Variants in RIMS2 observed in about 807,000 individuals in gnomAD.
RIMS2 encodes the protein regulating synaptic membrane exocytosis protein 2.
Under a neutral mutation model 174.4 loss-of-function variants are expected in RIMS2, and 59 were observed. The observed-to-expected ratio is 0.34, with a 90% CI of 0.27 to 0.42. The LOEUF (loss-of-function observed/expected upper bound fraction) is 0.42, where lower values mean the gene tolerates loss of function less well. RIMS2 is among the 10% of genes least tolerant of loss of function. The pLI, the probability that RIMS2 is intolerant of heterozygous loss-of-function variation, is 1.00. For missense variants in RIMS2, 1,620 were observed against 1,666.3 expected (o/e 0.97, Z 0.48); for synonymous variants, 606 against 572.5 (o/e 1.06, Z -0.84).
rs182577463 is a variant in RIMS2 at position 104,086,122 on chromosome 8, C to G, written c.3334+71507C>G. ...GGAAAGGAGATTAAAAAGTAACACTCAGGGACATAGAGTAGAAACCCTGAG... is the reference window on the plus strand; with the variant it reads ...GGAAAGGAGATTAAAAAGTAACACTGAGGGACATAGAGTAGAAACCCTGAG... On this transcript the variant is annotated intron_variant, in intron 19 of 23. Coordinates refer to ENST00000504942, the Ensembl canonical transcript of RIMS2. 2.4e-3 allele frequency among the ~76,000 whole-genome samples: 363 copies of G among 151,882 alleles called. 3 individuals carry two copies. Among genetic ancestry groups the G allele is most frequent in the Non-Finnish European group, 3.8e-3 (258 of 67,924 alleles).
chr8:103,821,741 A>G (rs756789088), intron 3 of RIMS2, among the ~76,000 whole-genome samples: 2 of 151,658 alleles, frequency 1.3e-5, no homozygotes, highest in Non-Finnish European at 3.0e-5. Context: ...TGCATCCTGC[A>G]TAGGTATTAA....
chr8:104,195,667 G>T (rs757147102), intron 19 of RIMS2, among the ~76,000 whole-genome samples: 1 of 151,618 alleles, frequency 6.6e-6, no homozygotes, highest in Admixed American at 6.6e-5. Context: ...GGCACACGTC[G>T]CCATGCCTGG....
At chr8:103,775,864 A>G (rs1401691563) in intron 3 of RIMS2, among the ~76,000 whole-genome samples, 1 of 152,130 alleles carries the variant, frequency 6.6e-6, no homozygotes, top group East Asian at 1.9e-4. Context: ...AAATATTTCA[A>G]TTTTTAGGTG....
intron 19 of RIMS2, among the ~76,000 whole-genome samples, chr8:104,127,508 C>T (rs183924619): frequency 1.2e-3 from 182 of 152,188 alleles, no homozygotes; most frequent in African/African-American, 4.2e-3. Flanking sequence ...GTTAAGAGTG[C>T]AGACTCTGGA....
intron 19 of RIMS2, among the ~76,000 whole-genome samples, chr8:104,031,199 A>G (rs1275381056): frequency 1.3e-5 from 2 of 152,124 alleles, no homozygotes; most frequent in Non-Finnish European, 2.9e-5. Context: ...ATGGTAATAA[A>G]ATAGCCGTTT....
chr8:103,898,622 T>C (rs2099307477), intron 4 of RIMS2, among the ~76,000 whole-genome samples: 1 of 151,652 alleles, frequency 6.6e-6, no homozygotes, highest in African/African-American at 2.4e-5. Context: ...GCCATCACCT[T>C]TGTGCCCTTA....
intron 2 of RIMS2, among the ~76,000 whole-genome samples, chr8:103,700,792 G>A (rs2097158321): frequency 6.6e-6 from 1 of 151,460 alleles, no homozygotes; most frequent in Non-Finnish European, 1.5e-5. Context: ...TAACTGTTTT[G>A]TTATTTTATC....
chr8:103,847,999 T>C (rs1186471309), intron 3 of RIMS2, among the ~76,000 whole-genome samples: 1 of 116,280 alleles, frequency 8.6e-6, no homozygotes, highest in African/African-American at 3.3e-5. Flanking sequence ...AAGTATGTAA[T>C]GCAAGGATCC....
downstream of RIMS2, chr8:104,255,331 A>G (rs1001510154): frequency 6.6e-6 from 1 of 150,820 alleles, no homozygotes; most frequent in African/African-American, 2.5e-5. Context: ...ACTCTAGTGA[A>G]TTGTTTCTTT....
rs768411802 is a variant in RIMS2, at chr8:104,087,482, C to T, written c.3334+72867C>T. On this transcript the variant is annotated intron_variant, in intron 19 of 23. Coordinates refer to ENST00000504942, the Ensembl canonical transcript of RIMS2. ...TAAAGTAGTTGAGGAACATTCGAAG[C>T]AGTGCTTCTCTTTGAAGGAGTTAAG... Among the ~76,000 whole-genome samples the T allele has an allele frequency of 1.6e-4, 25 of 152,008 alleles. 1 individual carries two copies. Among genetic ancestry groups the T allele is most frequent in the Non-Finnish European group, 7.4e-5 (5 of 67,966 alleles).
chr8:103,754,408 G>T (rs989761793), intron 2 of RIMS2, among the ~76,000 whole-genome samples: 1 of 152,170 alleles, frequency 6.6e-6, no homozygotes, highest in Non-Finnish European at 1.5e-5. Context: ...ATATTCTGTT[G>T]ATTTGGGGTG....
At chr8:103,987,250 C>T (rs1401460417) in intron 16 of RIMS2, among the ~76,000 whole-genome samples, 1 of 151,710 alleles carries the variant, frequency 6.6e-6, no homozygotes, top group Admixed American at 6.6e-5. Flanking sequence ...GCTCAGATAC[C>T]GGGACTATGT....
At chr8:104,248,911 CTT>C (rs57050337) in intron 21 of RIMS2, 98 bp downstream of exon 27, 23 of 624,170 alleles carry the variant, frequency 3.7e-5, no homozygotes, top group African/African-American at 2.6e-4. Context: ...CTCTCTCTCT[CTT>C]TCCCTCTCTC....
chr8:104,113,925 A>G (rs1280978760), intron 19 of RIMS2, among the ~76,000 whole-genome samples: 1 of 151,966 alleles, frequency 6.6e-6, no homozygotes, highest in Non-Finnish European at 1.5e-5. Context: ...TTATAAGGTT[A>G]GATAATGGAT....
At chr8:104,144,701 A>G (rs189948857) in intron 19 of RIMS2, among the ~76,000 whole-genome samples, 99 of 152,290 alleles carry the variant, frequency 6.5e-4, no homozygotes, top group African/African-American at 2.1e-3. Flanking sequence ...CTAAAAATAA[A>G]ATTTTTCTGA....
intron 19 of RIMS2, among the ~76,000 whole-genome samples, chr8:104,083,778 AG>A (rs2097478936): frequency 6.6e-6 from 1 of 152,174 alleles, no homozygotes; most frequent in Non-Finnish European, 1.5e-5. Context: ...AATATATGTA[AG>A]GGTCTGAGAA....
intron 3 of RIMS2, among the ~76,000 whole-genome samples, chr8:103,854,321 T>G (rs1334172173): frequency 2.6e-5 from 4 of 152,144 alleles, no homozygotes; most frequent in Non-Finnish European, 5.9e-5. Flanking sequence ...ATAGATTGAC[T>G]TCTTCTTTTC....
chr8:103,552,079 T>A (rs889294729), intron 1 of RIMS2, among the ~76,000 whole-genome samples: 7 of 152,194 alleles, frequency 4.6e-5, no homozygotes, highest in Admixed American at 3.9e-4. Flanking sequence ...AATGACTTTT[T>A]TCACAGAATT....
chr8:103,767,253 T>C (rs1265629838), intron 3 of RIMS2, among the ~76,000 whole-genome samples: 1 of 151,626 alleles, frequency 6.6e-6, no homozygotes, highest in Non-Finnish European at 1.5e-5. Flanking sequence ...AGTGGCACGA[T>C]CTCGGCTCAC....
Sources: gnomAD v4.1 joint callset for allele counts (sites outside exome capture counted in the v4.1 genomes callset) on GRCh38, gnomAD v4.1.1 for gene constraint, MANE v1.5 for transcripts, NCBI Gene and HGNC (gene_info 2026-07-23, HGNC 2026-07-21) for gene names.